The following SHROOM4 variants were observed in gnomAD, a reference collection of about 807,000 sequenced individuals.
SHROOM4 encodes the protein shroom family member 4.
SHROOM4 carries 17 observed loss-of-function variants against 80.3 expected under a neutral mutation model. The observed-to-expected ratio is 0.21, with a 90% CI of 0.14 to 0.32. SHROOM4 has a LOEUF of 0.32. SHROOM4 is among the 10% of genes least tolerant of loss of function. The probability of loss-of-function intolerance (pLI) is 1.00; values close to 1 mark genes in which losing one functional copy is unlikely to be tolerated. For missense variants in SHROOM4, 993 were observed against 1,140.3 expected (o/e 0.87, Z 1.86); for synonymous variants, 400 against 437.5 (o/e 0.91, Z 1.07).
In SHROOM4 at chrX:50,618,277, CCCCTTCCTTCCTTCCT is replaced by C. The variant is rs1930349718; in HGVS notation, c.2957+9321_2957+9336del. 1.1e-3 allele frequency among the ~76,000 whole-genome samples: 50 copies of C among 44,906 alleles called. 4 individuals are homozygous for C. The highest frequency in any genetic ancestry group is 1.8e-3 in the Admixed American group (5 of 2,813). The allele number at this position is 44,906 out of a possible 115,157, so 39.0% of individuals were successfully genotyped here. ...TTTCTTTCTTTTCTTCTCTTCTCTT[CCCCTTCCTTCCTTCCT>C]TCCTTCCTTCCTTCCTTCCTTCCTT... On this transcript the variant is annotated intron_variant, in intron 5 of 8. Coordinates refer to ENST00000376020, the MANE Select transcript of SHROOM4 (RefSeq NM_020717.5).
intron 2 of SHROOM4, among the ~76,000 whole-genome samples, chrX:50,656,958 T>C (rs1029028814): frequency 1.7e-4 from 19 of 111,392 alleles, no homozygotes; most frequent in Non-Finnish European, 3.2e-4. Flanking sequence ...TTTATAGTTT[T>C]TAGTATACAG....
intron 2 of SHROOM4, among the ~76,000 whole-genome samples, chrX:50,658,409 C>A (rs1455616294): frequency 9.0e-6 from 1 of 111,088 alleles, no homozygotes; most frequent in Non-Finnish European, 1.9e-5. Context: ...ATATAATTCT[C>A]AAATCTGCCC....
chrX:50,634,340 G>C lies in SHROOM4; in HGVS notation c.1733C>G (p.Ser578Trp), dbSNP rs781983542. 8.3e-6 allele frequency: 10 copies of C among 1,208,545 alleles called. No individual in the cohort carries two copies. The highest frequency in any genetic ancestry group is 2.3e-4 in the Middle Eastern group (1 of 4,374). ...GRRSGGTRGR[S>W]IQNRRKSERF... is the part of the protein sequence containing the mutation. ...CTCACTCTTCCGCCGGTTTTGGATC[G>C]AGCGGCCCCGGGTCCCTCCACTTCG... Residue 578 changes from serine to tryptophan, a missense_variant, in exon 4 of 9, where the codon TCG becomes TGG. Transcript: ENST00000376020.
At chrX:50,641,874 A>G (rs1426351262) in intron 2 of SHROOM4, among the ~76,000 whole-genome samples, 1 of 112,487 alleles carries the variant, frequency 8.9e-6, no homozygotes, top group African/African-American at 3.2e-5. Context: ...GGCCTCCCAA[A>G]GTGCTGGGAT....
chrX:50,709,521 G>A (rs1352956975), intron 1 of SHROOM4, among the ~76,000 whole-genome samples: 1 of 112,006 alleles, frequency 8.9e-6, no homozygotes, highest in Non-Finnish European at 1.9e-5. Flanking sequence ...GTGGTTGGGG[G>A]CCTAGATTCT....
chrX:50,765,338 T>A (rs782386854), intron 1 of SHROOM4, among the ~76,000 whole-genome samples: 20 of 112,328 alleles, frequency 1.8e-4, no homozygotes, highest in Non-Finnish European at 3.2e-4. Flanking sequence ...ACATTCAAGT[T>A]AATTTTCGGT....
At chrX:50,760,699 C>T (rs1314368933) in intron 1 of SHROOM4, among the ~76,000 whole-genome samples, 7 of 111,406 alleles carry the variant, frequency 6.3e-5, no homozygotes, top group Non-Finnish European at 1.1e-4. Context: ...TCCAGCTGTC[C>T]GATGGTTGCA....
intron 7 of SHROOM4, among the ~76,000 whole-genome samples, 192 bp downstream of exon 7, chrX:50,602,441 T>G (rs926245639): frequency 9.0e-6 from 1 of 111,135 alleles, no homozygotes; most frequent in African/African-American, 3.3e-5. Context: ...TGATTATGAT[T>G]GTTATTATTA....
chrX:50,670,760 C>T (rs1241531466), intron 2 of SHROOM4, among the ~76,000 whole-genome samples: 1 of 111,976 alleles, frequency 8.9e-6, no homozygotes, highest in African/African-American at 3.2e-5. Context: ...TCCACATCCT[C>T]TCCAGCATCT....
chrX:50,806,185 G>C (rs782421229), intron 1 of SHROOM4, among the ~76,000 whole-genome samples: 2 of 111,712 alleles, frequency 1.8e-5, no homozygotes, highest in Non-Finnish European at 3.8e-5. Flanking sequence ...ATGAAAGAAG[G>C]ACAGCCTAGA....
At chrX:50,805,974 T>C (rs782806556) in intron 1 of SHROOM4, among the ~76,000 whole-genome samples, 1 of 94,680 alleles carries the variant, frequency 1.1e-5, no homozygotes, top group South Asian at 6.6e-4. Flanking sequence ...GAAGCATGGC[T>C]GAGCCAAGAG....
In SHROOM4 at chrX:50,803,398, C is replaced by T. The variant is rs782237787; in HGVS notation, c.117+10504G>A. Reference sequence around the variant, plus strand: ...ATTAATAAGTGGATAAATGAACAAACACTACATGCTCTGCCCTTATGCTGT... The same window carrying T: ...ATTAATAAGTGGATAAATGAACAAATACTACATGCTCTGCCCTTATGCTGT... On this transcript the variant is annotated intron_variant, in intron 1 of 8. Coordinates refer to ENST00000376020, the MANE Select transcript of SHROOM4 (RefSeq NM_020717.5). 8.0e-5 allele frequency among the ~76,000 whole-genome samples: 9 copies of T among 111,999 alleles called. No homozygotes were observed. The Admixed American group carries it at 8.5e-4, about 11-fold the overall frequency.
intron 8 of SHROOM4, 21 bp downstream of exon 8, chrX:50,598,245 C>A: frequency 8.3e-7 from 1 of 1,210,889 alleles, no homozygotes; most frequent in Non-Finnish European, 1.1e-6. Flanking sequence ...TCTACCCACA[C>A]CCCACAGACC....
At chrX:50,765,402 C>T (rs1245309896) in intron 1 of SHROOM4, among the ~76,000 whole-genome samples, 1 of 111,726 alleles carries the variant, frequency 9.0e-6, no homozygotes, top group East Asian at 2.8e-4. Context: ...GAGTTGTTTT[C>T]CCATAACTGA....
At chrX:50,719,485 T>C (rs1251239816) in intron 1 of SHROOM4, among the ~76,000 whole-genome samples, 1 of 112,006 alleles carries the variant, frequency 8.9e-6, no homozygotes, top group Non-Finnish European at 1.9e-5. Flanking sequence ...CCAGGAAATT[T>C]TCCCTGGTAA....
rs59294373 is a variant in SHROOM4, at chrX:50,602,281, G to A, written c.3942+352C>T. On this transcript the variant is annotated intron_variant, in intron 7 of 8. Coordinates refer to ENST00000376020, the MANE Select transcript of SHROOM4 (RefSeq NM_020717.5). Reference sequence around the variant, plus strand: ...TAATTTTTGTATTTTTAGTAGAGACGGGGTTTCACCATGTTGGCCAGGCTG... The same window carrying A: ...TAATTTTTGTATTTTTAGTAGAGACAGGGTTTCACCATGTTGGCCAGGCTG... Among the ~76,000 whole-genome samples the A allele has an allele frequency of 1.1e-4, 12 of 109,834 alleles. 1 individual carries two copies. In the South Asian group the frequency reaches 4.3e-3, roughly 40 times the overall value.
At chrX:50,689,982 T>C (rs1485831158) in intron 2 of SHROOM4, among the ~76,000 whole-genome samples, 1 of 112,111 alleles carries the variant, frequency 8.9e-6, no homozygotes, top group Non-Finnish European at 1.9e-5. Context: ...TGCAACATTT[T>C]CAATACTATA....
rs1557255174 is a variant in SHROOM4, at chrX:50,634,407, C to T, written c.1666G>A (p.Gly556Arg). ...AASGTEAGEEGDSEPKECSRM... is the reference protein window; with the variant it reads ...AASGTEAGEERDSEPKECSRM... Reference sequence around the variant, plus strand: ...CTGCACTCCTTGGGCTCGCTGTCCCCTTCTTCACCTGCCTCTGTGCCACTA... The same window carrying T: ...CTGCACTCCTTGGGCTCGCTGTCCCTTTCTTCACCTGCCTCTGTGCCACTA... The change falls in exon 4 of 9, where the codon GGG becomes AGG. Residue 556 changes from glycine (G) to arginine (R), a missense_variant. Coordinates refer to ENST00000376020, the MANE Select transcript of SHROOM4 (RefSeq NM_020717.5). 1.7e-6 allele frequency: 2 copies of T among 1,211,486 alleles called. No individual in the cohort carries two copies. The highest frequency in any genetic ancestry group is 1.8e-5 in the South Asian group (1 of 56,877).
Position 50,598,525 on chromosome X carries a change from A to T in SHROOM4, c.3953T>A (p.Ile1318Asn). 2.5e-6 allele frequency: 3 copies of T among 1,204,714 alleles called. No individual in the cohort carries two copies. The highest frequency in any genetic ancestry group is 3.4e-6 in the Non-Finnish European group (3 of 891,746). ...HELAQKKIQL[I>N]ESISRKLSVL... ...AGAAAGTTTTCTGCTGATGCTTTCG[A>T]TAAGCTGTATCTAGGGGAATTAAAC... The change falls in exon 8 of 9, where the codon ATC becomes AAC. Residue 1318 changes from isoleucine (I) to asparagine (N), a missense_variant. Physicochemically the swap from Ile to Asn is moderately radical, Grantham distance 149. Transcript: ENST00000376020.
Sources: allele counts gnomAD v4.1 joint callset (sites outside exome capture counted in the v4.1 genomes callset), GRCh38; gene constraint gnomAD v4.1.1; transcripts MANE v1.5; gene names NCBI Gene and HGNC (gene_info 2026-07-23, HGNC 2026-07-21).